The following TEAD3 variants were observed in gnomAD, a reference collection of about 807,000 sequenced individuals.
TEAD3 encodes the protein TEA domain transcription factor 3.
Under a neutral mutation model 55.6 loss-of-function variants are expected in TEAD3, and 15 were observed. The observed-to-expected ratio is 0.27, with a 90% CI of 0.18 to 0.42. The LOEUF (loss-of-function observed/expected upper bound fraction) is 0.42, where lower values mean the gene tolerates loss of function less well. Among genes scored for constraint, TEAD3 ranks in the 10% least tolerant of loss-of-function variants. The probability of loss-of-function intolerance (pLI) is 1.00; values close to 1 mark genes in which losing one functional copy is unlikely to be tolerated. For missense variants in TEAD3, 407 were observed against 576.8 expected (o/e 0.71, Z 3.01); for synonymous variants, 210 against 232.2 (o/e 0.90, Z 0.87).
At chr6:35,477,409 T>G (rs2150911037) in intron 7 of TEAD3, 37 bp from the exon 8 acceptor site, 1 of 1,579,378 alleles carries the variant, frequency 6.3e-7, no homozygotes, top group East Asian at 2.3e-5. Flanking sequence ...GAGGGTTCCC[T>G]CTTCCCTACC....
rs1432608494 is a variant in TEAD3, at chr6:35,496,878, C to A, written c.-50+20G>T. ...CACCTCTCCCGAGCGGGGCCTCCTC[C>A]CGGCGTCCGCCCGGCTTACCTGGTC... On this transcript the variant is annotated intron_variant, in intron 1 of 12. Transcript: ENST00000639578. This position sits in a 1 kb window ranked among gnomAD's most constrained non-coding sequence, Gnocchi z 4.8. 6.6e-6 allele frequency: 1 copy of A among 152,080 alleles called. No individual in the cohort carries two copies. Among genetic ancestry groups the A allele is most frequent in the Non-Finnish European group, 1.5e-5 (1 of 68,014 alleles). 9.4% of individuals were successfully genotyped at this position (152,080 alleles called of 1,614,324 possible).
intron 4 of TEAD3, among the ~76,000 whole-genome samples, 174 bp from the exon 5 acceptor site, chr6:35,479,490 G>C (rs2072887): frequency 0.16 from 25,092 of 152,258 alleles, 3,521 homozygotes; most frequent in African/African-American, 0.38. Context: ...CTGCCAGCTG[G>C]GGCAAGCCCT....
chr6:35,486,004 TCC>T lies in TEAD3; in HGVS notation c.202+455_202+456del, dbSNP rs1288497243. The stretch of plus-strand genomic sequence containing the variant: ...GGAAGGGGACTGAGGAGGGAACGCG[TCC>T]CCACAGCCCCAACGCAGGCCTTTGT... On this transcript the variant is annotated intron_variant, in intron 2 of 12. Coordinates refer to ENST00000639578, the Ensembl canonical transcript of TEAD3. This position sits in a 1 kb window ranked among gnomAD's most constrained non-coding sequence, Gnocchi z 7.3. Among the ~76,000 whole-genome samples, 1 of 151,940 alleles carries T rather than the reference TCC, an allele frequency of 6.6e-6. No individual in the cohort carries two copies. Among genetic ancestry groups the T allele is most frequent in the African/African-American group, 2.4e-5 (1 of 41,340 alleles).
At chr6:35,477,821 C>T (rs919010910) in intron 7 of TEAD3, among the ~76,000 whole-genome samples, 2 of 151,972 alleles carry the variant, frequency 1.3e-5, no homozygotes, top group Non-Finnish European at 2.9e-5. Flanking sequence ...ATCAGCTGTC[C>T]TGTTGCCACT....
In TEAD3 at chr6:35,496,703, G is replaced by C. The variant is rs1227915837; in HGVS notation, c.-50+195C>G. Among the ~76,000 whole-genome samples, 2 of 152,030 alleles carry C rather than the reference G, an allele frequency of 1.3e-5. No homozygotes were observed. The highest frequency in any genetic ancestry group is 2.9e-5 in the Non-Finnish European group (2 of 67,958). ...CCGTCGCGGGGGGGTGGGGAGGGCG[G>C]GGGGCGGGGCTTCCCGGAGAGATTT... On this transcript the variant is annotated intron_variant, in intron 1 of 12. Coordinates refer to ENST00000639578, the Ensembl canonical transcript of TEAD3. The surrounding 1 kb of genome is among the most constrained non-coding windows in gnomAD (Gnocchi z 4.8).
At chr6:35,490,181 G>A (rs1768479044) in intron 1 of TEAD3, among the ~76,000 whole-genome samples, 1 of 152,176 alleles carries the variant, frequency 6.6e-6, no homozygotes, top group Admixed American at 6.5e-5. Context: ...CCCTCAAGCA[G>A]GCTGTGGCCC....
rs756041675 is a variant in TEAD3 at position 35,484,673 on chromosome 6, A to G, written c.203-49T>C. On this transcript the variant is annotated intron_variant, in intron 2 of 12. Transcript: ENST00000639578. The surrounding 1 kb of genome is among the most constrained non-coding windows in gnomAD (Gnocchi z 5.8). ...TGAGGAGTGGGCAAAGGGTGGAGCC[A>G]GAGGCTGGAGGCCCCCACCCCACCG... is the stretch of plus-strand genomic sequence containing the variant. The G allele has an allele frequency of 3.1e-5, 47 of 1,526,080 alleles. No homozygotes were observed. The highest frequency in any genetic ancestry group is 3.5e-4 in the Middle Eastern group (2 of 5,728). 94.5% of individuals were successfully genotyped at this position (1,526,080 alleles called of 1,614,324 possible).
In TEAD3 at chr6:35,475,056, G is replaced by C. The variant is rs1581720400; in HGVS notation, c.1296C>G (p.Leu432=). 1.3e-6 allele frequency: 2 copies of C among 1,585,216 alleles called. No homozygotes were observed. Among genetic ancestry groups the C allele is most frequent in the African/African-American group, 1.3e-5 (1 of 74,446 alleles). The change falls in exon 13 of 13, where the codon CTC becomes CTG. Residue 432 remains leucine, a synonymous_variant. Transcript: ENST00000639578. The surrounding 1 kb of genome is among the most constrained non-coding windows in gnomAD (Gnocchi z 5.4). ...CGCAGAGGGCACCCTAGTCTTTGAC[G>C]AGCTTGTAGACATGGTGCTGGGCCC...
Position 35,485,082 on chromosome 6 carries a change from T to C in TEAD3, c.203-458A>G, listed in dbSNP as rs1050673649. On this transcript the variant is annotated intron_variant, in intron 2 of 12. Transcript: ENST00000639578. This position sits in a 1 kb window ranked among gnomAD's most constrained non-coding sequence, Gnocchi z 4.3. ...GCATGGATTTGTGGGGGCGTGTGAATGAGCCTGCCCCAGGTGGATGTCCTG... is the reference window on the plus strand; with the variant it reads ...GCATGGATTTGTGGGGGCGTGTGAACGAGCCTGCCCCAGGTGGATGTCCTG... 6.6e-6 allele frequency among the ~76,000 whole-genome samples: 1 copy of C among 152,184 alleles called. No homozygotes were observed. Among genetic ancestry groups the C allele is most frequent in the African/African-American group, 2.4e-5 (1 of 41,448 alleles).
chr6:35,478,429 T>C lies in TEAD3; in HGVS notation c.480+5A>G. The C allele has an allele frequency of 6.2e-7, 1 of 1,613,672 alleles. No homozygotes were observed. The highest frequency in any genetic ancestry group is 8.5e-7 in the Non-Finnish European group (1 of 1,179,804). On this transcript the variant is annotated splice_donor_5th_base_variant and intron_variant, in intron 6 of 12. Transcript: ENST00000639578. ...ACACCAGCCCACCTCCTGGGACCCA[T>C]GTACCCGCGAGGAAGTGGAGAAGAC...
Position 35,484,955 on chromosome 6 carries a change from G to A in TEAD3, c.203-331C>T, listed in dbSNP as rs1292155937. Among the ~76,000 whole-genome samples, 1 of 152,184 alleles carries A rather than the reference G, an allele frequency of 6.6e-6. No individual in the cohort carries two copies. The highest frequency in any genetic ancestry group is 1.5e-5 in the Non-Finnish European group (1 of 68,012). On this transcript the variant is annotated intron_variant, in intron 2 of 12. Coordinates refer to ENST00000639578, the Ensembl canonical transcript of TEAD3. The surrounding 1 kb of genome is among the most constrained non-coding windows in gnomAD (Gnocchi z 5.8). ...GACCGGGTGGCTGTGGTACAGGTCA[G>A]CAGGACAGTAGCTGAGTAGGGCCTG... is the stretch of plus-strand genomic sequence containing the variant.
rs536549190 is a variant in TEAD3 at position 35,475,907 on chromosome 6, A to G, written c.900+12T>C. 6.6e-7 allele frequency: 1 copy of G among 1,520,448 alleles called. No individual in the cohort carries two copies. Among genetic ancestry groups the G allele is most frequent in the Non-Finnish European group, 8.8e-7 (1 of 1,136,096 alleles). The allele number at this position is 1,520,448 out of a possible 1,614,324, so 94.2% of individuals were successfully genotyped here. A position where few individuals can be genotyped will look rare whatever the true frequency, so the allele number is the denominator to read the frequency against. On this transcript the variant is annotated intron_variant, in intron 10 of 12. Transcript: ENST00000639578. This position sits in a 1 kb window ranked among gnomAD's most constrained non-coding sequence, Gnocchi z 5.4. ...AAGGGGGCTTGGAGCAGAGAAGGCC[A>G]GGGGGACTCACCCAGAACTTGACAA... is the stretch of plus-strand genomic sequence containing the variant.
rs918746267 is a variant in TEAD3, at chr6:35,488,535, C to A, written c.-49-1824G>T. Among the ~76,000 whole-genome samples the A allele has an allele frequency of 4.0e-5, 6 of 151,862 alleles. No individual in the cohort carries two copies. The highest frequency in any genetic ancestry group is 2.1e-4 in the South Asian group (1 of 4,804). ...GGAGGGGTGGAGATGTAGGGGACAC[C>A]GTCAGAAGCCAGGGAGAGGAAGATG... On this transcript the variant is annotated intron_variant, in intron 1 of 12. Transcript: ENST00000639578. The surrounding 1 kb of genome is among the most constrained non-coding windows in gnomAD (Gnocchi z 4.2).
Position 35,475,462 on chromosome 6 carries a change from C to T in TEAD3, c.1068G>A (p.Gly356=). Residue 356 remains glycine, a synonymous_variant, in exon 12 of 13, where the codon GGG becomes GGA. Coordinates refer to ENST00000639578, the Ensembl canonical transcript of TEAD3. This position sits in a 1 kb window ranked among gnomAD's most constrained non-coding sequence, Gnocchi z 5.4. ...AGCGGTGGATACGGTACACAAAGCG[C>T]CCGTTCTCCAGCCTGGCATACTCAG... 6.2e-7 allele frequency: 1 copy of T among 1,613,418 alleles called. No individual in the cohort carries two copies. Among genetic ancestry groups the T allele is most frequent in the Non-Finnish European group, 8.5e-7 (1 of 1,179,482 alleles).
chr6:35,492,735 T>G (rs1471712415), intron 1 of TEAD3, among the ~76,000 whole-genome samples: 1 of 152,046 alleles, frequency 6.6e-6, no homozygotes, highest in African/African-American at 2.4e-5. Context: ...CCCCCAGGCC[T>G]CCTTCTGCAA....
Position 35,478,877 on chromosome 6 carries a change from C to CTTTTTT in TEAD3, c.343-312_343-307dup, listed in dbSNP as rs67071124. Among the ~76,000 whole-genome samples, 9 of 106,740 alleles carry CTTTTTT rather than the reference C, an allele frequency of 8.4e-5. 1 individual carries two copies. Among genetic ancestry groups the CTTTTTT allele is most frequent in the Non-Finnish European group, 1.3e-4 (7 of 53,334 alleles). 70.0% of individuals were successfully genotyped at this position (106,740 alleles called of 152,430 possible). ...TGTATGTCATGTACTCTCCTATTTT[C>CTTTTTT]TTTTTTTTTTTTTTTTTTTTGAGAC... is the stretch of plus-strand genomic sequence containing the variant. On this transcript the variant is annotated intron_variant, in intron 5 of 12. Transcript: ENST00000639578.
intron 8 of TEAD3, 63 bp from the exon 9 acceptor site, chr6:35,476,498 C>T: frequency 6.3e-7 from 1 of 1,588,932 alleles, no homozygotes; most frequent in Non-Finnish European, 8.6e-7. Context: ...GACAAAGCTG[C>T]CCCCAGCTTG....
At chr6:35,476,053 G>A in exon 10 of TEAD3, 1 of 1,543,530 alleles carries the variant, frequency 6.5e-7, no homozygotes, top group Non-Finnish European at 8.7e-7. Flanking sequence ...GAGAAGGCGG[G>A]GTTCGTCTGG....
chr6:35,480,218 G>A (rs1440499502), intron 3 of TEAD3, 94 bp downstream of exon 4: 12 of 1,560,212 alleles, frequency 7.7e-6, no homozygotes, highest in Non-Finnish European at 1.0e-5. Context: ...TGGGGCTGGA[G>A]AGCTGGCCAA....
Sources: gnomAD v4.1 joint callset for allele counts (sites outside exome capture counted in the v4.1 genomes callset) on GRCh38, gnomAD v4.1.1 for gene constraint, Gnocchi (gnomAD v3.1) non-coding constraint, MANE v1.5 for transcripts, NCBI Gene and HGNC (gene_info 2026-07-23, HGNC 2026-07-21) for gene names.